GABRG2: variants seen among roughly 807,000 people sequenced by gnomAD.
GABRG2 encodes gamma-aminobutyric acid type A receptor subunit gamma2, also known as gamma-aminobutyric acid receptor subunit gamma-2.
A neutral mutation model predicts 56.4 loss-of-function variants in GABRG2; 16 were observed. That is an observed-to-expected ratio of 0.28 (90% CI 0.19 to 0.43). The LOEUF (loss-of-function observed/expected upper bound fraction) is 0.43. Ranked by LOEUF, GABRG2 falls within the 20% of genes least tolerant of loss-of-function variation. The probability of loss-of-function intolerance (pLI) is 1.00; values close to 1 mark genes in which losing one functional copy is unlikely to be tolerated. For missense variants in GABRG2, 327 were observed against 582.7 expected (o/e 0.56, Z 4.52); for synonymous variants, 208 against 205.5 (o/e 1.01, Z -0.10).
chr5:162,072,692 CACACAA>C (rs1758769467), intron 1 of GABRG2, among the ~76,000 whole-genome samples: 1 of 151,918 alleles, frequency 6.6e-6, no homozygotes, highest in African/African-American at 2.4e-5. Context: ...TCAAATAATA[CACACAA>C]ACACAAACAC....
intron 6 of GABRG2, among the ~76,000 whole-genome samples, chr5:162,121,118 A>C (rs1439597621): frequency 6.6e-6 from 1 of 152,106 alleles, no homozygotes; most frequent in Non-Finnish European, 1.5e-5. Flanking sequence ...GTATGGACCA[A>C]TGTCTGTGGC....
chr5:162,096,117 A>C (rs1760979146), intron 3 of GABRG2, among the ~76,000 whole-genome samples: 1 of 151,994 alleles, frequency 6.6e-6, no homozygotes. Context: ...TATATGATAT[A>C]GTAAAACTAT....
chr5:162,103,688 G>A (rs1329294175), intron 5 of GABRG2: 14 of 606,810 alleles, frequency 2.3e-5, no homozygotes, highest in Non-Finnish European at 4.1e-5. Context: ...TTGACCTTTG[G>A]ATTTTTGAAT....
chr5:162,124,768 G>T (rs926704334), intron 6 of GABRG2, among the ~76,000 whole-genome samples: 1 of 151,770 alleles, frequency 6.6e-6, no homozygotes, highest in Non-Finnish European at 1.5e-5. Context: ...CACAGTGCTA[G>T]AGATCCAGTC....
At chr5:162,096,420 T>A (rs1296581891) in intron 3 of GABRG2, among the ~76,000 whole-genome samples, 1 of 152,304 alleles carries the variant, frequency 6.6e-6, no homozygotes, top group South Asian at 2.1e-4. Context: ...GATCAAAGTT[T>A]GTGAAATAAT....
chr5:162,076,514 GA>G (rs1165495658), intron 1 of GABRG2, among the ~76,000 whole-genome samples: 1 of 152,120 alleles, frequency 6.6e-6, no homozygotes, highest in Non-Finnish European at 1.5e-5. Flanking sequence ...CTAACAATGT[GA>G]AATAGCTTCT....
intron 1 of GABRG2, among the ~76,000 whole-genome samples, chr5:162,087,233 C>T (rs751487534): frequency 1.3e-5 from 2 of 152,078 alleles, no homozygotes; most frequent in African/African-American, 2.4e-5. Flanking sequence ...TGCCTCTCCA[C>T]GTTTTCCCTC....
chr5:162,112,286 G>T (rs151130987), intron 6 of GABRG2, among the ~76,000 whole-genome samples: 1 of 151,532 alleles, frequency 6.6e-6, no homozygotes, highest in African/African-American at 2.4e-5. Context: ...CAAGTTGTTG[G>T]TATTTTCTAA....
At chr5:162,106,824 T>C (rs1761864860) in intron 6 of GABRG2, among the ~76,000 whole-genome samples, 1 of 152,176 alleles carries the variant, frequency 6.6e-6, no homozygotes, top group Non-Finnish European at 1.5e-5. Flanking sequence ...TGGGTTTTTT[T>C]CTTGAATGCG....
At chr5:162,138,691 G>C (rs1764324407) in intron 6 of GABRG2, among the ~76,000 whole-genome samples, 1 of 152,094 alleles carries the variant, frequency 6.6e-6, no homozygotes, top group East Asian at 1.9e-4. Flanking sequence ...TCTTTTAGTT[G>C]AATAAGAGTG....
intron 1 of GABRG2, among the ~76,000 whole-genome samples, chr5:162,086,064 A>T (rs549375014): frequency 6.6e-6 from 1 of 151,792 alleles, no homozygotes; most frequent in Non-Finnish European, 1.5e-5. Context: ...GCTTTGTTTC[A>T]TTATGGTCTA....
At chr5:162,131,858 AATGTGGTGAGAC>A (rs1377353215) in intron 6 of GABRG2, among the ~76,000 whole-genome samples, 2 of 148,278 alleles carry the variant, frequency 1.3e-5, no homozygotes, top group Admixed American at 1.4e-4. Context: ...TTAGGGTCAA[AATGTGGTGAGAC>A]ACCTACTCCA....
chr5:162,080,258 T>G (rs1759545627), intron 1 of GABRG2, among the ~76,000 whole-genome samples: 1 of 152,164 alleles, frequency 6.6e-6, no homozygotes, highest in Admixed American at 6.5e-5. Context: ...AGGAAATAAC[T>G]TACAAGTGTG....
intron 1 of GABRG2, among the ~76,000 whole-genome samples, chr5:162,090,262 G>A (rs1760457848): frequency 1.3e-5 from 2 of 150,686 alleles, no homozygotes; most frequent in Admixed American, 6.6e-5. Flanking sequence ...ACACATACAC[G>A]TACACGTACA....
chr5:162,084,771 T>G (rs1341971494), intron 1 of GABRG2, among the ~76,000 whole-genome samples: 1 of 151,928 alleles, frequency 6.6e-6, no homozygotes, highest in African/African-American at 2.4e-5. Context: ...ATTACGTCCT[T>G]CTCTTTTATG....
At chr5:162,142,579 A>T (rs534864991) in intron 7 of GABRG2, 2 of 380,298 alleles carry the variant, frequency 5.3e-6, no homozygotes, top group African/African-American at 4.2e-5. Context: ...ATAAAAAATG[A>T]TGAGTTCATG....
At chr5:162,074,471 A>G (rs557084187) in intron 1 of GABRG2, among the ~76,000 whole-genome samples, 36 of 152,142 alleles carry the variant, frequency 2.4e-4, no homozygotes, top group African/African-American at 8.4e-4. Context: ...GCCAAAGTCT[A>G]CCTAGTAAGA....
chr5:162,109,874 C>T (rs963431241), intron 6 of GABRG2, among the ~76,000 whole-genome samples: 6 of 151,972 alleles, frequency 3.9e-5, no homozygotes, highest in Middle Eastern at 3.4e-3. Flanking sequence ...GGGTTTCTTA[C>T]GGGAAACTTA....
chr5:162,087,208 A>C (rs1412496905), intron 1 of GABRG2, among the ~76,000 whole-genome samples: 1 of 152,022 alleles, frequency 6.6e-6, no homozygotes, highest in Non-Finnish European at 1.5e-5. Context: ...TGTTCCCCAC[A>C]ATGAGCATCG....
Sources: allele counts gnomAD v4.1 joint callset (sites outside exome capture counted in the v4.1 genomes callset), GRCh38; gene constraint gnomAD v4.1.1; transcripts MANE v1.5; gene names NCBI Gene and HGNC (gene_info 2026-07-23, HGNC 2026-07-21).